Variants in HEATR5B observed in about 807,000 individuals in gnomAD.
The protein encoded by HEATR5B is HEAT repeat-containing protein 5B.
A neutral mutation model predicts 224.1 loss-of-function variants in HEATR5B; 156 were observed. The observed-to-expected ratio is 0.70, with a 90% CI of 0.61 to 0.80. The LOEUF (loss-of-function observed/expected upper bound fraction) is 0.80, where lower values mean the gene tolerates loss of function less well. HEATR5B is among the 30% of genes least tolerant of loss of function. The pLI, the probability that HEATR5B is intolerant of heterozygous loss-of-function variation, is 0.00. For synonymous variants in HEATR5B, 1,027 were observed against 893.0 expected (o/e 1.15, Z -2.68); for missense variants, 2,323 against 2,535.5 (o/e 0.92, Z 1.80).
At chr2:37,059,464 ATTT>A (rs35615621) in intron 12 of HEATR5B, among the ~76,000 whole-genome samples, 13 of 65,830 alleles carry the variant, frequency 2.0e-4, no homozygotes, top group African/African-American at 6.3e-4. Context: ...ATATATATAT[ATTT>A]TTTTTTTTTT....
chr2:37,054,192 G>GTT (rs70946964), intron 16 of HEATR5B, among the ~76,000 whole-genome samples: 34 of 30,210 alleles, frequency 1.1e-3, no homozygotes, highest in East Asian at 1.4e-3. Context: ...TGATTTCTCT[G>GTT]TTTTTTTTTT....
intron 33 of HEATR5B, 24 bp from the exon 34 acceptor site, chr2:36,990,823 T>C: frequency 1.3e-6 from 2 of 1,531,914 alleles, no homozygotes; most frequent in Non-Finnish European, 8.8e-7. Context: ...ATGAAAGAAG[T>C]GTGCTGTTTC....
intron 18 of HEATR5B, among the ~76,000 whole-genome samples, chr2:37,045,351 GA>G (rs1670123780): frequency 7.3e-6 from 1 of 137,658 alleles, no homozygotes. Flanking sequence ...AAATATTGCT[GA>G]GTTTTTTTCT....
intron 17 of HEATR5B, among the ~76,000 whole-genome samples, chr2:37,052,017 G>A (rs962285673): frequency 6.6e-5 from 10 of 152,138 alleles, no homozygotes; most frequent in East Asian, 1.9e-4. Flanking sequence ...TGGGATTACA[G>A]GCATAAGCCA....
intron 24 of HEATR5B, among the ~76,000 whole-genome samples, chr2:37,024,427 T>C (rs1302464715): frequency 6.6e-6 from 1 of 152,234 alleles, no homozygotes; most frequent in Non-Finnish European, 1.5e-5. Context: ...GGTGAGGTAA[T>C]GCATTTGTTA....
At chr2:37,050,035 C>T (rs533423270) in intron 17 of HEATR5B, among the ~76,000 whole-genome samples, 192 bp from the exon 18 acceptor site, 2 of 151,706 alleles carry the variant, frequency 1.3e-5, no homozygotes, top group African/African-American at 2.4e-5. Flanking sequence ...GGACTATAGG[C>T]GCATGCCACC....
chr2:37,013,237 T>C (rs1667904064), intron 27 of HEATR5B, among the ~76,000 whole-genome samples: 1 of 152,172 alleles, frequency 6.6e-6, no homozygotes, highest in African/African-American at 2.4e-5. Flanking sequence ...ACTGAGCTGG[T>C]AGAGGAAGGA....
intron 24 of HEATR5B, among the ~76,000 whole-genome samples, chr2:37,025,038 C>T (rs1668681087): frequency 6.6e-6 from 1 of 152,114 alleles, no homozygotes; most frequent in African/African-American, 2.4e-5. Flanking sequence ...ACAATTAAAG[C>T]ATAGGAGATA....
At position 36,990,721 on chromosome 2, in the gene HEATR5B, ATT is replaced by A; in HGVS notation, c.5622_5623del (p.Glu1874AspfsTer16). The A allele has an allele frequency of 1.2e-6, 2 of 1,612,388 alleles. No homozygotes were observed. The highest frequency in any genetic ancestry group is 1.7e-6 in the Non-Finnish European group (2 of 1,178,904). ...ATTCTGTAATGACTGGACTCCTATT[ATT>A]TCATTACTAGCAGACCACAGGAAGA... On this transcript the variant is annotated frameshift_variant, in exon 34 of 36. Coordinates refer to ENST00000233099, the MANE Select transcript of HEATR5B (RefSeq NM_019024.3). LOFTEE classifies it high-confidence loss of function.
At chr2:37,042,259 T>C (rs1443396338) in intron 18 of HEATR5B, among the ~76,000 whole-genome samples, 1 of 152,216 alleles carries the variant, frequency 6.6e-6, no homozygotes, top group African/African-American at 2.4e-5. Flanking sequence ...CCAAGATGAA[T>C]ACGAGGGGTC....
At chr2:37,059,627 C>T (rs1671154167) in intron 12 of HEATR5B, among the ~76,000 whole-genome samples, 1 of 151,276 alleles carries the variant, frequency 6.6e-6, no homozygotes, top group African/African-American at 2.4e-5. Context: ...GCACGCCTGG[C>T]TAATTTTTGT....
At chr2:37,018,207 C>T (rs891544655) in intron 26 of HEATR5B, among the ~76,000 whole-genome samples, 4 of 151,688 alleles carry the variant, frequency 2.6e-5, no homozygotes, top group African/African-American at 9.7e-5. Context: ...AAAAAAAATG[C>T]AACTAGGGCC....
intron 21 of HEATR5B, 88 bp downstream of exon 21, chr2:37,037,767 T>C (rs1027597694): frequency 1.1e-6 from 1 of 874,072 alleles, no homozygotes. Flanking sequence ...CAAAAATATA[T>C]ATAGCTAGTA....
intron 34 of HEATR5B, among the ~76,000 whole-genome samples, chr2:36,989,605 G>C (rs1326206050): frequency 6.6e-6 from 1 of 152,076 alleles, no homozygotes; most frequent in African/African-American, 2.4e-5. Flanking sequence ...ACAATGTAAG[G>C]TTTCCAGACC....
chr2:37,058,248 A>G (rs1447768282), intron 14 of HEATR5B, among the ~76,000 whole-genome samples: 1 of 152,176 alleles, frequency 6.6e-6, no homozygotes, highest in Non-Finnish European at 1.5e-5. Context: ...CAACACAGTC[A>G]AAAAGCTAAT....
chr2:36,995,396 T>C (rs1242443099), intron 33 of HEATR5B, among the ~76,000 whole-genome samples: 4 of 152,292 alleles, frequency 2.6e-5, no homozygotes, highest in South Asian at 4.1e-4. Flanking sequence ...GTTATTCCTA[T>C]CTATACACAC....
chr2:37,029,596 G>A (rs939283411), intron 22 of HEATR5B, among the ~76,000 whole-genome samples: 9 of 152,030 alleles, frequency 5.9e-5, no homozygotes, highest in African/African-American at 2.2e-4. Flanking sequence ...CCCAAGAGGC[G>A]GATGTTGCAG....
rs1280306611 is a variant in HEATR5B at position 37,002,399 on chromosome 2, C to T, written c.5224G>A (p.Ala1742Thr). 1.2e-6 allele frequency: 2 copies of T among 1,614,188 alleles called. No individual in the cohort carries two copies. The highest frequency in any genetic ancestry group is 3.3e-5 in the Admixed American group (2 of 60,022). The change falls in exon 32 of 36, where the codon GCC becomes ACC. Residue 1742 changes from alanine (A) to threonine (T), a missense_variant. By Grantham distance (58) the Ala-to-Thr change is moderately conservative. This residue lies in a region of HEATR5B where 844 missense variants were observed against 812.9 expected (regional missense o/e 1.04). Coordinates refer to ENST00000233099, the MANE Select transcript of HEATR5B (RefSeq NM_019024.3). The stretch of plus-strand genomic sequence containing the variant: ...TCTTCTGATAGTCGAGTTTTAGTGG[C>T]TATGTGACTTGGAGAGTCTGACACC... ...TKVSDSPSHI[A>T]TKTRLSEESA...
At chr2:37,054,429 C>A (rs1285043291) in intron 16 of HEATR5B, among the ~76,000 whole-genome samples, 1 of 148,192 alleles carries the variant, frequency 6.7e-6, no homozygotes, top group African/African-American at 2.5e-5. Context: ...GATCTGCCCA[C>A]CTCGGCCTCC....
Sources: gnomAD v4.1 joint callset for allele counts (sites outside exome capture counted in the v4.1 genomes callset) on GRCh38, gnomAD v4.1.1 for gene constraint, gnomAD v4.1.1 regional missense constraint, MANE v1.5 for transcripts, NCBI Gene and HGNC (gene_info 2026-07-23, HGNC 2026-07-21) for gene names.